The following ZNF697 variants were observed in gnomAD, a reference collection of about 807,000 sequenced individuals.
ZNF697 encodes the protein zinc finger protein 697.
A neutral mutation model predicts 32.4 loss-of-function variants in ZNF697; 23 were observed. That is an observed-to-expected ratio of 0.71 (90% CI 0.51 to 1.01). The LOEUF is 1.01. Ranked by LOEUF, ZNF697 falls within the 50% of genes least tolerant of loss-of-function variation. The pLI is 0.00. For synonymous variants in ZNF697, 418 were observed against 337.2 expected, an observed-to-expected ratio of 1.24 and a Z score of -2.62; for missense variants, 930 against 794.0, an observed-to-expected ratio of 1.17 and a Z score of -2.06.
Position 119,622,134 on chromosome 1 carries a change from T to C in ZNF697, c.*571A>G, listed in dbSNP as rs1444620944. Reference sequence around the variant, plus strand: ...CCACTTCCCCTTGGATGCCTCAAAATAGCAGCTAACTGTGGCTCAGAGAAA... The same window carrying C: ...CCACTTCCCCTTGGATGCCTCAAAACAGCAGCTAACTGTGGCTCAGAGAAA... On this transcript the variant is annotated 3_prime_UTR_variant, in exon 3 of 3. Coordinates refer to ENST00000421812, the MANE Select transcript of ZNF697 (RefSeq NM_001080470.2). 1 of 152,604 alleles carries C rather than the reference T, an allele frequency of 6.6e-6. No individual in the cohort carries two copies. The highest frequency in any genetic ancestry group is 1.5e-5 in the Non-Finnish European group (1 of 68,056). The allele number at this position is 152,604 out of a possible 1,614,324, so 9.5% of individuals were successfully genotyped here. A position where few individuals can be genotyped will look rare whatever the true frequency, so the allele number is the denominator to read the frequency against.
intron 1 of ZNF697, among the ~76,000 whole-genome samples, chr1:119,640,450 A>C (rs1304707656): frequency 1.3e-5 from 2 of 152,234 alleles, no homozygotes; most frequent in Non-Finnish European, 2.9e-5. Flanking sequence ...GGTAGCCATG[A>C]CAGGAAATGG....
rs1648318495 is a variant in ZNF697, at chr1:119,621,734, ACTCTGAG to A, written c.*964_*970del. ...GATTTCTCACATAAAGGCCAGCAAAACTCTGAGCTAGTTGACTTTTTAGCAGGTCACT... is the reference window on the plus strand; with the variant it reads ...GATTTCTCACATAAAGGCCAGCAAAACTAGTTGACTTTTTAGCAGGTCACT... On this transcript the variant is annotated 3_prime_UTR_variant, in exon 3 of 3. Coordinates refer to ENST00000421812, the MANE Select transcript of ZNF697 (RefSeq NM_001080470.2). 6.6e-6 allele frequency: 1 copy of A among 152,122 alleles called. No homozygotes were observed. Among genetic ancestry groups the A allele is most frequent in the African/African-American group, 2.4e-5 (1 of 41,406 alleles). The allele number at this position is 152,122 out of a possible 1,614,324, so 9.4% of individuals were successfully genotyped here. A position where few individuals can be genotyped will look rare whatever the true frequency, so the allele number is the denominator to read the frequency against.
intron 1 of ZNF697, among the ~76,000 whole-genome samples, chr1:119,638,403 G>A (rs985223002): frequency 3.3e-5 from 5 of 152,290 alleles, no homozygotes; most frequent in Non-Finnish European, 5.9e-5. Flanking sequence ...TCCACATGCC[G>A]TGGTCTCCTC....
chr1:119,623,459 C>A lies in ZNF697; in HGVS notation c.884G>T (p.Gly295Val), dbSNP rs866963590. The A allele has an allele frequency of 6.4e-7, 1 of 1,560,126 alleles. No individual in the cohort carries two copies. The highest frequency in any genetic ancestry group is 2.5e-5 in the East Asian group (1 of 40,144). The change falls in exon 3 of 3, where the codon GGC becomes GTC. Residue 295 changes from glycine (G) to valine (V), a missense_variant. Physicochemically the swap from Gly to Val is moderately radical, Grantham distance 109. Coordinates refer to ENST00000421812, the MANE Select transcript of ZNF697 (RefSeq NM_001080470.2). The stretch of plus-strand genomic sequence containing the variant: ...GTCGGCGCGCCAGCTGAAGCTCTTG[C>A]CGCAGTCGGCGCACAGGTTGGGCCG... ...GERPNLCADCGKSFSWRADLL... is the reference protein window; with the variant it reads ...GERPNLCADCVKSFSWRADLL...
At chr1:119,635,899 G>A (rs1489457227) in intron 1 of ZNF697, among the ~76,000 whole-genome samples, 2 of 152,074 alleles carry the variant, frequency 1.3e-5, no homozygotes, top group East Asian at 3.9e-4. Flanking sequence ...ACACTACGAA[G>A]AGAGCAACTA....
intron 1 of ZNF697, among the ~76,000 whole-genome samples, chr1:119,637,869 G>C (rs1557940585): frequency 6.6e-6 from 1 of 152,006 alleles, no homozygotes; most frequent in African/African-American, 2.4e-5. Context: ...TGGAGTGTTA[G>C]AGTAAACACT....
At chr1:119,633,356 A>ATATGTGTGTGTGTGTG (rs369467811) in intron 1 of ZNF697, among the ~76,000 whole-genome samples, 2 of 143,142 alleles carry the variant, frequency 1.4e-5, no homozygotes, top group African/African-American at 5.1e-5. Context: ...AACCAATAGG[A>ATATGTGTGTGTGTGTG]TGTGTGTGTG....
chr1:119,624,241 A>G (rs757305132), intron 2 of ZNF697, 125 bp from the exon 3 acceptor site: 10 of 1,196,534 alleles, frequency 8.4e-6, no homozygotes, highest in Non-Finnish European at 1.0e-5. Context: ...CTGCCCCTCC[A>G]AGACCCCCTG....
intron 2 of ZNF697, among the ~76,000 whole-genome samples, chr1:119,625,279 G>A (rs1458851314): frequency 2.0e-5 from 3 of 152,164 alleles, no homozygotes; most frequent in African/African-American, 7.2e-5. Flanking sequence ...AGCATGCACT[G>A]AGCAGGATAA....
At chr1:119,645,368 T>C (rs1649174426) in intron 1 of ZNF697, among the ~76,000 whole-genome samples, 2 of 152,230 alleles carry the variant, frequency 1.3e-5, no homozygotes, top group Non-Finnish European at 2.9e-5. Context: ...TGGGCACTTG[T>C]TAGATATTAA....
rs1236116395 is a variant in ZNF697 at position 119,620,052 on chromosome 1, T to C, written c.*2653A>G. 1 of 152,652 alleles carries C rather than the reference T, an allele frequency of 6.6e-6. No individual in the cohort carries two copies. The highest frequency in any genetic ancestry group is 1.5e-5 in the Non-Finnish European group (1 of 68,046). 9.5% of individuals were successfully genotyped at this position (152,652 alleles called of 1,614,324 possible). A position where few individuals can be genotyped will look rare whatever the true frequency, so the allele number is the denominator to read the frequency against. On this transcript the variant is annotated 3_prime_UTR_variant, in exon 3 of 3. Transcript: ENST00000421812. ...CCTGAATGCATTTAACCTCACTTAA[T>C]GCAGGTAAGTTCCCTGAAGAATTGT...
chr1:119,631,732 G>A (rs1648783020), intron 1 of ZNF697, among the ~76,000 whole-genome samples: 1 of 152,180 alleles, frequency 6.6e-6, no homozygotes, highest in African/African-American at 2.4e-5. Context: ...GCGGCCCGGC[G>A]GGCGGCGGGC....
Position 119,622,534 on chromosome 1 carries a change from A to G in ZNF697, c.*171T>C, listed in dbSNP as rs1342372509. On this transcript the variant is annotated 3_prime_UTR_variant, in exon 3 of 3. Coordinates refer to ENST00000421812, the MANE Select transcript of ZNF697 (RefSeq NM_001080470.2). ...GGAGGCAAGTATAGCACCGGGAAAG[A>G]CCAACTTACTCAACACTCCTCCCAC... is the stretch of plus-strand genomic sequence containing the variant. 1 of 1,279,800 alleles carries G rather than the reference A, an allele frequency of 7.8e-7. No individual in the cohort carries two copies. The highest frequency in any genetic ancestry group is 1.0e-6 in the Non-Finnish European group (1 of 967,102). 79.3% of individuals were successfully genotyped at this position (1,279,800 alleles called of 1,614,324 possible). A position where few individuals can be genotyped will look rare whatever the true frequency, so the allele number is the denominator to read the frequency against.
intron 1 of ZNF697, among the ~76,000 whole-genome samples, chr1:119,631,693 C>T (rs587623422): frequency 2.8e-4 from 43 of 152,288 alleles, no homozygotes; most frequent in African/African-American, 1.0e-3. Flanking sequence ...GGAGCCAGGC[C>T]GGCAGGGCTG....
intron 1 of ZNF697, among the ~76,000 whole-genome samples, chr1:119,636,194 T>C (rs924279215): frequency 2.6e-5 from 4 of 152,064 alleles, no homozygotes; most frequent in Non-Finnish European, 4.4e-5. Context: ...AACTTGCAAA[T>C]AGAGTAATGG....
chr1:119,636,997 C>G (rs920920897), intron 1 of ZNF697, among the ~76,000 whole-genome samples: 1 of 152,180 alleles, frequency 6.6e-6, no homozygotes, highest in African/African-American at 2.4e-5. Context: ...CTCCTATCAG[C>G]TGCTTACTTG....
In ZNF697 at chr1:119,622,433, C is replaced by T. The variant is rs1346767285; in HGVS notation, c.*272G>A. ...TCCTCAAAGTGCCTGGTCCTCCAAG[C>T]TCTTCACCCCCTACAGCGTGTATTT... is the stretch of plus-strand genomic sequence containing the variant. On this transcript the variant is annotated 3_prime_UTR_variant, in exon 3 of 3. Transcript: ENST00000421812. 4.4e-6 allele frequency: 2 copies of T among 453,618 alleles called. No individual in the cohort carries two copies. The highest frequency in any genetic ancestry group is 7.0e-6 in the Non-Finnish European group (2 of 286,198). 28.1% of individuals were successfully genotyped at this position (453,618 alleles called of 1,614,324 possible).
intron 1 of ZNF697, among the ~76,000 whole-genome samples, chr1:119,647,206 C>T (rs1447108772): frequency 6.6e-6 from 1 of 152,166 alleles, no homozygotes; most frequent in Non-Finnish European, 1.5e-5. Context: ...ACACTCAGCG[C>T]CTCTGTGTCG....
At position 119,647,776 on chromosome 1, in the gene ZNF697, T is replaced by C. The variant is rs1220668453; in HGVS notation, c.-123A>G. ...CCTTCGGTGGTCGGCGGGACGGTCC[T>C]ATTCCCTCTTGCATCGCTGTCTCCT... On this transcript the variant is annotated 5_prime_UTR_variant, in exon 1 of 3. The change creates a new upstream start codon in the 5' untranslated region. Transcript: ENST00000421812. 2.0e-5 allele frequency: 3 copies of C among 152,048 alleles called. No homozygotes were observed. The allele number at this position is 152,048 out of a possible 1,614,324, so 9.4% of individuals were successfully genotyped here.
Sources: allele counts gnomAD v4.1 joint callset (sites outside exome capture counted in the v4.1 genomes callset), GRCh38; gene constraint gnomAD v4.1.1; transcripts MANE v1.5; gene names NCBI Gene and HGNC (gene_info 2026-07-23, HGNC 2026-07-21).